Variants in B4GALT1 observed in about 807,000 individuals in gnomAD.
The protein encoded by B4GALT1 is N-acetyllactosamine synthase.
B4GALT1 carries 16 observed loss-of-function variants against 34.9 expected under a neutral mutation model. The ratio of observed to expected loss-of-function variants is 0.46; its 90% CI spans 0.31 to 0.70. The LOEUF is 0.70. Among genes scored for constraint, B4GALT1 ranks in the 30% least tolerant of loss-of-function variants. B4GALT1 has a pLI of 0.05. For missense variants in B4GALT1, 445 were observed against 530.5 expected (o/e 0.84, Z 1.58); for synonymous variants, 221 against 218.1 (o/e 1.01, Z -0.12).
At chr9:33,137,138 A>C (rs549647029) in intron 1 of B4GALT1, among the ~76,000 whole-genome samples, 2 of 152,316 alleles carry the variant, frequency 1.3e-5, no homozygotes, top group Non-Finnish European at 2.9e-5. Context: ...CAGTGGCTCT[A>C]AGGCTGTGTG....
At chr9:33,171,686 C>CT (rs1840842423), upstream of B4GALT1, among the ~76,000 whole-genome samples, 1 of 152,144 alleles carries the variant, frequency 6.6e-6, no homozygotes, top group Admixed American at 6.5e-5. Flanking sequence ...TCCCGAGTAG[C>CT]TGGGACTACC....
intron 1 of B4GALT1, among the ~76,000 whole-genome samples, chr9:33,138,144 G>A (rs1014447168): frequency 6.6e-6 from 1 of 152,246 alleles, no homozygotes; most frequent in African/African-American, 2.4e-5. Context: ...CCGCGGGACA[G>A]ACACCTGCAG....
At position 33,167,123 on chromosome 9, in the gene B4GALT1, C is replaced by A; in HGVS notation, c.47G>T (p.Gly16Val). Residue 16 changes from glycine (G) to valine (V), a missense_variant, in exon 1 of 6, where the codon GGC (glycine) becomes GTC (valine). Gly to Val is a moderately radical substitution (Grantham distance 109). Around this residue, in one of 3 missense-constraint regions of B4GALT1, gnomAD observed 349 missense variants for 395.5 expected, o/e 0.88. Coordinates refer to ENST00000379731, the MANE Select transcript of B4GALT1 (RefSeq NM_001497.4). ...PLLSGSAAMPGASLQRACRLL... is the reference protein window; with the variant it reads ...PLLSGSAAMPVASLQRACRLL... ...GCGGCAGGCCCGCTGTAGGGACGCG[C>A]CTGGCATCGCGGCGCTGCCGCTCAG... 1 of 1,603,294 alleles carries A rather than the reference C, an allele frequency of 6.2e-7. No homozygotes were observed. Among genetic ancestry groups the A allele is most frequent in the Admixed American group, 1.7e-5 (1 of 59,448 alleles).
chr9:33,129,960 A>T (rs1010958394), intron 2 of B4GALT1, among the ~76,000 whole-genome samples: 2 of 152,210 alleles, frequency 1.3e-5, no homozygotes, highest in African/African-American at 4.8e-5. Context: ...CCGACCATTT[A>T]GACCGTTGCC....
intron 1 of B4GALT1, among the ~76,000 whole-genome samples, chr9:33,154,482 G>A (rs370145353): frequency 1.3e-4 from 20 of 152,134 alleles, no homozygotes; most frequent in Non-Finnish European, 2.9e-4. Flanking sequence ...AGGTTCTAAC[G>A]GGGCATTTAG....
chr9:33,173,137 C>T, the B4GALT1 span, among the ~76,000 whole-genome samples: 1 of 152,164 alleles, frequency 6.6e-6, no homozygotes, highest in Non-Finnish European at 1.5e-5. Flanking sequence ...GGCATGGTGG[C>T]TCACGCCTGT....
At chr9:33,146,305 T>C (rs1039651781) in intron 1 of B4GALT1, among the ~76,000 whole-genome samples, 5 of 152,392 alleles carry the variant, frequency 3.3e-5, no homozygotes, top group African/African-American at 1.2e-4. Context: ...CCTACTTGCC[T>C]ATAAACTCCA....
chr9:33,184,257 C>T, the B4GALT1 span, among the ~76,000 whole-genome samples: 1 of 143,424 alleles, frequency 7.0e-6, no homozygotes, highest in Non-Finnish European at 1.6e-5. Flanking sequence ...CTCTTGTACA[C>T]ACACACACAC....
At chr9:33,151,244 G>A (rs895545393) in intron 1 of B4GALT1, among the ~76,000 whole-genome samples, 2 of 152,238 alleles carry the variant, frequency 1.3e-5, no homozygotes, top group Non-Finnish European at 2.9e-5. Flanking sequence ...AGATTTCTAA[G>A]CTACTCAATA....
intron 2 of B4GALT1, among the ~76,000 whole-genome samples, chr9:33,129,939 G>A (rs1840169525): frequency 6.6e-6 from 1 of 152,208 alleles, no homozygotes; most frequent in South Asian, 2.1e-4. Flanking sequence ...CGGATGCTAA[G>A]CTTGGGCCTT....
rs1840780205 is a variant in B4GALT1 at position 33,167,285 on chromosome 9, G to C, written c.-116C>G. 9.8e-6 allele frequency: 13 copies of C among 1,323,540 alleles called. No homozygotes were observed. Among genetic ancestry groups the C allele is most frequent in the Non-Finnish European group, 1.3e-5 (13 of 1,016,600 alleles). 82.0% of individuals were successfully genotyped at this position (1,323,540 alleles called of 1,614,324 possible). ...GACTAGGGGAGGGCCCGGAGCGGGG[G>C]CGGGCGAGCGGCTGAGAGCTGAGAC... On this transcript the variant is annotated 5_prime_UTR_variant, in exon 1 of 6. Coordinates refer to ENST00000379731, the MANE Select transcript of B4GALT1 (RefSeq NM_001497.4).
intron 1 of B4GALT1, among the ~76,000 whole-genome samples, chr9:33,138,171 G>A (rs1840298568): frequency 6.6e-6 from 1 of 152,202 alleles, no homozygotes; most frequent in Non-Finnish European, 1.5e-5. Flanking sequence ...AAGTGTCCTG[G>A]TGTTGCCCCA....
chr9:33,152,547 A>G (rs1840535940), intron 1 of B4GALT1, among the ~76,000 whole-genome samples: 1 of 150,974 alleles, frequency 6.6e-6, no homozygotes, highest in Admixed American at 6.6e-5. Context: ...AAATGGGCCA[A>G]AAAAAGGGTA....
chr9:33,179,749 T>G, the B4GALT1 span: 56 of 152,382 alleles, frequency 3.7e-4, no homozygotes, highest in African/African-American at 1.3e-3. Flanking sequence ...TATAGGTTAA[T>G]GTAAATGTTC....
the B4GALT1 span, chr9:33,179,078 G>A: frequency 2.0e-5 from 3 of 152,220 alleles, no homozygotes; most frequent in Non-Finnish European, 4.4e-5. Flanking sequence ...GGTTGGAATG[G>A]TCACTTCCAC....
At chr9:33,151,237 T>C (rs76002022) in intron 1 of B4GALT1, among the ~76,000 whole-genome samples, 7 of 152,194 alleles carry the variant, frequency 4.6e-5, no homozygotes, top group Non-Finnish European at 1.0e-4. Context: ...CAGCCAGAGA[T>C]TTCTAAGCTA....
intron 3 of B4GALT1, among the ~76,000 whole-genome samples, chr9:33,118,860 GTTTT>G (rs368456792): frequency 6.8e-6 from 1 of 146,622 alleles, no homozygotes; most frequent in Non-Finnish European, 1.5e-5. Flanking sequence ...CAACTGATAG[GTTTT>G]TTTTTTTCTT....
chr9:33,151,992 T>C (rs1459914500), intron 1 of B4GALT1, among the ~76,000 whole-genome samples: 1 of 152,112 alleles, frequency 6.6e-6, no homozygotes, highest in Non-Finnish European at 1.5e-5. Context: ...CCTGAAGTCA[T>C]AAAGGAAAAC....
intron 1 of B4GALT1, among the ~76,000 whole-genome samples, chr9:33,150,040 T>A (rs2118240161): frequency 6.6e-6 from 1 of 152,224 alleles, no homozygotes; most frequent in Middle Eastern, 3.4e-3. Context: ...GTCCTGATTG[T>A]TAATTATACT....
Sources: gnomAD v4.1 joint callset for allele counts (sites outside exome capture counted in the v4.1 genomes callset) on GRCh38, gnomAD v4.1.1 for gene constraint, gnomAD v4.1.1 regional missense constraint, MANE v1.5 for transcripts, NCBI Gene and HGNC (gene_info 2026-07-23, HGNC 2026-07-21) for gene names.